PKNOX2: variants seen among roughly 807,000 people sequenced by gnomAD.
PKNOX2 encodes the protein homeobox protein PKNOX2.
Under a neutral mutation model 53.1 loss-of-function variants are expected in PKNOX2, and 14 were observed. The ratio of observed to expected loss-of-function variants is 0.26; its 90% CI spans 0.17 to 0.41. PKNOX2 has a LOEUF of 0.41. Ranked by LOEUF, PKNOX2 falls within the 10% of genes least tolerant of loss-of-function variation. PKNOX2 has a pLI of 1.00. For synonymous variants in PKNOX2, 257 were observed against 242.8 expected, an observed-to-expected ratio of 1.06 and a Z score of -0.54; for missense variants, 496 against 602.8, an observed-to-expected ratio of 0.82 and a Z score of 1.85.
intron 1 of PKNOX2, among the ~76,000 whole-genome samples, chr11:125,196,217 G>C (rs918234215): frequency 2.0e-5 from 3 of 152,204 alleles, no homozygotes; most frequent in African/African-American, 7.2e-5. Flanking sequence ...TTTTCCCAGA[G>C]CTTGTGTATT....
At chr11:125,338,101 A>G (rs1950513524) in intron 3 of PKNOX2, among the ~76,000 whole-genome samples, 2 of 152,228 alleles carry the variant, frequency 1.3e-5, no homozygotes. Flanking sequence ...TGGACCCTCC[A>G]TCTCCCCAGC....
At chr11:125,343,169 G>GCCCCACA in intron 3 of PKNOX2, among the ~76,000 whole-genome samples, 1 of 152,174 alleles carries the variant, frequency 6.6e-6, no homozygotes, top group East Asian at 1.9e-4. Context: ...GGTACCCTAA[G>GCCCCACA]TTGAACATCA....
chr11:125,399,606 T>A (rs1418307024), intron 7 of PKNOX2, among the ~76,000 whole-genome samples: 1 of 152,248 alleles, frequency 6.6e-6, no homozygotes, highest in African/African-American at 2.4e-5. Context: ...GAATTTTTTT[T>A]AAGTGTTGAT....
chr11:125,196,983 G>A (rs1176316127), intron 1 of PKNOX2, among the ~76,000 whole-genome samples: 2 of 152,194 alleles, frequency 1.3e-5, no homozygotes, highest in Non-Finnish European at 2.9e-5. Flanking sequence ...AAAGCCGTAA[G>A]CGATGTGGCT....
At chr11:125,223,657 C>G (rs1941421900) in intron 1 of PKNOX2, among the ~76,000 whole-genome samples, 1 of 151,694 alleles carries the variant, frequency 6.6e-6, no homozygotes, top group African/African-American at 2.4e-5. Flanking sequence ...GAACAAGGTT[C>G]ATAAACTTTA....
At chr11:125,168,281 A>T (rs958395942) in intron 1 of PKNOX2, among the ~76,000 whole-genome samples, 1 of 152,350 alleles carries the variant, frequency 6.6e-6, no homozygotes, top group Admixed American at 6.5e-5. Flanking sequence ...GTTTTTGACT[A>T]GGTCCTAACA....
chr11:125,334,707 T>A (rs1719119375), intron 3 of PKNOX2, among the ~76,000 whole-genome samples: 1 of 151,148 alleles, frequency 6.6e-6, no homozygotes, highest in Non-Finnish European at 1.5e-5. Context: ...CAAGTGATCC[T>A]CCTGCCTCAG....
intron 2 of PKNOX2, among the ~76,000 whole-genome samples, chr11:125,293,797 A>T (rs1327471052): frequency 6.7e-6 from 1 of 149,372 alleles, no homozygotes; most frequent in East Asian, 2.0e-4. Flanking sequence ...GCTCACACAC[A>T]CACGCTCACA....
At chr11:125,264,889 C>A (rs1945187844) in intron 2 of PKNOX2, among the ~76,000 whole-genome samples, 1 of 152,148 alleles carries the variant, frequency 6.6e-6, no homozygotes, top group South Asian at 2.1e-4. Flanking sequence ...AATGGGAGGA[C>A]TGCTCTAGGT....
chr11:125,412,005 C>T, intron 10 of PKNOX2, 140 bp downstream of exon 10: 2 of 1,380,574 alleles, frequency 1.4e-6, no homozygotes, highest in Non-Finnish European at 9.9e-7. Context: ...ATAGGAATGA[C>T]ATCTGGAGTC....
chr11:125,340,202 TACAAA>T (rs1367493021), intron 3 of PKNOX2, among the ~76,000 whole-genome samples: 1 of 152,158 alleles, frequency 6.6e-6, no homozygotes, highest in African/African-American at 2.4e-5. Flanking sequence ...TTAACTGATG[TACAAA>T]AGCCCAGGCT....
At chr11:125,311,090 A>G (rs967812543) in intron 2 of PKNOX2, among the ~76,000 whole-genome samples, 11 of 152,162 alleles carry the variant, frequency 7.2e-5, no homozygotes, top group African/African-American at 2.7e-4. Flanking sequence ...CCTTCCTAGC[A>G]CACTTCTAAC....
At chr11:125,411,495 T>TCTCTCC (rs1251118988) in intron 9 of PKNOX2, 1 of 451,692 alleles carries the variant, frequency 2.2e-6, no homozygotes, top group Admixed American at 3.2e-5. Context: ...TCTCTCTCTC[T>TCTCTCC]CTCTCTCTCT....
chr11:125,216,009 C>G (rs1007228864), intron 1 of PKNOX2, among the ~76,000 whole-genome samples: 1 of 152,230 alleles, frequency 6.6e-6, no homozygotes, highest in Non-Finnish European at 1.5e-5. Context: ...ACTTGAATTG[C>G]TCAACTTCAT....
chr11:125,248,021 A>G (rs1943692249), intron 2 of PKNOX2, among the ~76,000 whole-genome samples: 1 of 152,112 alleles, frequency 6.6e-6, no homozygotes, highest in Admixed American at 6.5e-5. Context: ...CATCCCAGGT[A>G]TGTCTGTGTC....
intron 10 of PKNOX2, 120 bp downstream of exon 10, chr11:125,411,985 G>T: frequency 6.8e-7 from 1 of 1,480,406 alleles, no homozygotes; most frequent in Non-Finnish European, 9.2e-7. Flanking sequence ...GCCTCGGGGA[G>T]AGCTCTCTGA....
chr11:125,180,649 G>A (rs1393350860), intron 1 of PKNOX2, among the ~76,000 whole-genome samples: 1 of 124,814 alleles, frequency 8.0e-6, no homozygotes, highest in Non-Finnish European at 1.8e-5. Flanking sequence ...TCTTCACGAA[G>A]CTTTGGCTTT....
chr11:125,262,277 CTG>C (rs762606907), intron 2 of PKNOX2, among the ~76,000 whole-genome samples: 3 of 152,082 alleles, frequency 2.0e-5, no homozygotes, highest in Non-Finnish European at 4.4e-5. Flanking sequence ...AGTGATGACT[CTG>C]GAGAGGTGGG....
At chr11:125,191,304 G>C (rs1291897412) in intron 1 of PKNOX2, 1 of 152,164 alleles carries the variant, frequency 6.6e-6, no homozygotes, top group Admixed American at 6.5e-5. Context: ...GTCACCACAG[G>C]CTACTGCCTG....
Sources: allele counts gnomAD v4.1 joint callset (sites outside exome capture counted in the v4.1 genomes callset), GRCh38; gene constraint gnomAD v4.1.1; transcripts MANE v1.5; gene names NCBI Gene and HGNC (gene_info 2026-07-23, HGNC 2026-07-21).